Variants in COLEC12 observed in about 807,000 individuals in gnomAD.
COLEC12 encodes collectin-12.
In COLEC12, 33 loss-of-function variants were observed where a neutral mutation model predicts 71.1. The observed-to-expected ratio is 0.46, with a 90% CI of 0.35 to 0.62. The LOEUF (loss-of-function observed/expected upper bound fraction) is 0.62. Ranked by LOEUF, COLEC12 falls within the 20% of genes least tolerant of loss-of-function variation. COLEC12 has a pLI of 0.00. For synonymous variants in COLEC12, 350 were observed against 353.0 expected (o/e 0.99, Z 0.10); for missense variants, 765 against 916.1 (o/e 0.84, Z 2.13).
chr18:490,016 G>A (rs915021441), intron 1 of COLEC12, among the ~76,000 whole-genome samples: 3 of 152,232 alleles, frequency 2.0e-5, no homozygotes, highest in Admixed American at 6.5e-5. Flanking sequence ...TCCTTCCCCT[G>A]GAATCTGGGC....
intron 2 of COLEC12, among the ~76,000 whole-genome samples, chr18:454,894 T>C (rs892842484): frequency 5.9e-5 from 9 of 152,226 alleles, no homozygotes; most frequent in African/African-American, 2.2e-4. Flanking sequence ...ACTCAATAAA[T>C]AGCTGAACAA....
At chr18:328,753 G>A (rs1913902503) in intron 8 of COLEC12, among the ~76,000 whole-genome samples, 1 of 152,168 alleles carries the variant, frequency 6.6e-6, no homozygotes, top group South Asian at 2.1e-4. Flanking sequence ...TTGCAGCTTT[G>A]AGTGTTGCTG....
intron 2 of COLEC12, among the ~76,000 whole-genome samples, chr18:452,851 T>C (rs58991556): frequency 1.2e-3 from 187 of 152,348 alleles, no homozygotes; most frequent in African/African-American, 3.9e-3. Context: ...TGCTTCCAAG[T>C]GGAGCACAGG....
chr18:450,324 T>C (rs372902880), intron 2 of COLEC12, among the ~76,000 whole-genome samples: 35 of 152,298 alleles, frequency 2.3e-4, no homozygotes, highest in African/African-American at 5.8e-4. Flanking sequence ...AGGGGGGGCC[T>C]GCTGGGAGGA....
chr18:439,226 CT>C (rs1210358860), intron 2 of COLEC12, among the ~76,000 whole-genome samples: 12 of 152,150 alleles, frequency 7.9e-5, no homozygotes, highest in Admixed American at 6.5e-4. Context: ...CCAGGTCTGC[CT>C]TTTCTCAAAA....
chr18:496,540 T>C (rs553303909), intron 1 of COLEC12, among the ~76,000 whole-genome samples: 15 of 152,356 alleles, frequency 9.8e-5, no homozygotes, highest in Non-Finnish European at 1.6e-4. Flanking sequence ...ATTGCCTTTA[T>C]AGGCTTGTTT....
At chr18:433,846 C>T (rs1464079881) in intron 2 of COLEC12, among the ~76,000 whole-genome samples, 1 of 151,950 alleles carries the variant, frequency 6.6e-6, no homozygotes, top group African/African-American at 2.4e-5. Context: ...TGCCTGTAAT[C>T]CCAGCTACTT....
chr18:440,234 T>A (rs1916488591), intron 2 of COLEC12, among the ~76,000 whole-genome samples: 1 of 151,934 alleles, frequency 6.6e-6, no homozygotes, highest in African/African-American at 2.4e-5. Context: ...GTTAAAGGGG[T>A]ACAAACTTTC....
chr18:485,758 A>T (rs1412609883), intron 1 of COLEC12, among the ~76,000 whole-genome samples: 1 of 152,216 alleles, frequency 6.6e-6, no homozygotes, highest in Admixed American at 6.5e-5. Context: ...ATCCACATTA[A>T]CATGTTCCAG....
chr18:377,903 C>T (rs867075558), intron 2 of COLEC12, among the ~76,000 whole-genome samples: 3 of 142,452 alleles, frequency 2.1e-5, no homozygotes, highest in East Asian at 2.4e-4. Flanking sequence ...GGTGGCGGGG[C>T]GGGTTGGGGC....
intron 2 of COLEC12, among the ~76,000 whole-genome samples, chr18:395,822 A>C (rs1255598888): frequency 6.6e-6 from 1 of 152,108 alleles, no homozygotes; most frequent in Non-Finnish European, 1.5e-5. Flanking sequence ...GCCAATCCCC[A>C]ATTCCCCCCA....
At chr18:436,574 G>A (rs147754349) in intron 2 of COLEC12, among the ~76,000 whole-genome samples, 279 of 148,716 alleles carry the variant, frequency 1.9e-3, no homozygotes, top group African/African-American at 6.6e-3. Context: ...TAGATTTGGA[G>A]TTTTATGTTA....
rs149374695 is a variant in COLEC12 at position 489,544 on chromosome 18, C to T, written c.8-8787G>A. Among the ~76,000 whole-genome samples the T allele has an allele frequency of 3.9e-3, 593 of 152,186 alleles. 2 individuals are homozygous for T. Among genetic ancestry groups the T allele is most frequent in the African/African-American group, 0.014 (571 of 41,504 alleles). On this transcript the variant is annotated intron_variant, in intron 1 of 9. Coordinates refer to ENST00000400256, the MANE Select transcript of COLEC12 (RefSeq NM_130386.3). ...TCGAGAAGATAGAAATGAAAGAATT[C>T]CTAATATGTTTGAACACACAGAGGA...
At chr18:470,315 T>C (rs1917170429) in intron 2 of COLEC12, among the ~76,000 whole-genome samples, 1 of 134,822 alleles carries the variant, frequency 7.4e-6, no homozygotes, top group African/African-American at 2.8e-5. Context: ...CACTGCAACC[T>C]CCGTCTCCCA....
intron 2 of COLEC12, among the ~76,000 whole-genome samples, chr18:453,926 CA>C (rs1256726682): frequency 6.6e-6 from 1 of 152,186 alleles, no homozygotes; most frequent in Admixed American, 6.5e-5. Flanking sequence ...ACATACATCC[CA>C]AATCTTATCA....
At chr18:330,941 G>A (rs509896) in intron 8 of COLEC12, among the ~76,000 whole-genome samples, 150,304 of 150,612 alleles carry the variant, frequency 1, 74,998 homozygotes, top group Middle Eastern at 1. Flanking sequence ...GTGCAGTGGC[G>A]CCATCTCGGC....
At chr18:388,047 G>A (rs993249075) in intron 2 of COLEC12, among the ~76,000 whole-genome samples, 2 of 152,188 alleles carry the variant, frequency 1.3e-5, no homozygotes, top group Non-Finnish European at 2.9e-5. Flanking sequence ...GAATTGGCTA[G>A]TAGGCAGACA....
intron 2 of COLEC12, among the ~76,000 whole-genome samples, chr18:463,577 C>A (rs568404474): frequency 6.6e-6 from 1 of 152,266 alleles, no homozygotes; most frequent in East Asian, 1.9e-4. Context: ...TGAGACTGCA[C>A]AGCGGGGGCT....
At chr18:340,083 A>AAAAAAAC (rs1914213058) in intron 5 of COLEC12, among the ~76,000 whole-genome samples, 2 of 151,246 alleles carry the variant, frequency 1.3e-5, no homozygotes, top group Non-Finnish European at 3.0e-5. Flanking sequence ...GCAAAAAAAA[A>AAAAAAAC]AAAAAAAACA....
Sources: allele counts gnomAD v4.1 joint callset (sites outside exome capture counted in the v4.1 genomes callset), GRCh38; gene constraint gnomAD v4.1.1; transcripts MANE v1.5; gene names NCBI Gene and HGNC (gene_info 2026-07-23, HGNC 2026-07-21).